Variants in FGD5 observed in about 807,000 individuals in gnomAD.
FGD5 encodes the protein FYVE, RhoGEF and PH domain-containing protein 5.
Under a neutral mutation model 133.4 loss-of-function variants are expected in FGD5, and 28 were observed. The observed-to-expected ratio is 0.21, with a 90% CI of 0.16 to 0.29. The LOEUF (loss-of-function observed/expected upper bound fraction) is 0.29, where lower values mean the gene tolerates loss of function less well. Ranked by LOEUF, FGD5 falls within the 10% of genes least tolerant of loss-of-function variation. The pLI is 1.00. For synonymous variants in FGD5, 810 were observed against 776.5 expected, an observed-to-expected ratio of 1.04 and a Z score of -0.72; for missense variants, 1,858 against 1,895.2, an observed-to-expected ratio of 0.98 and a Z score of 0.36.
Position 14,899,314 on chromosome 3 carries a change from C to T in FGD5, c.3154+488C>T, listed in dbSNP as rs114713080. 7.3e-3 allele frequency among the ~76,000 whole-genome samples: 1,117 copies of T among 152,274 alleles called. 9 individuals carry two copies. The highest frequency in any genetic ancestry group is 0.025 in the African/African-American group (1,057 of 41,548). On this transcript the variant is annotated intron_variant, in intron 7 of 19. Transcript: ENST00000285046. ...TCTGTGTTGGTGGCCTCCCATCCTC[C>T]ACTGCTCCATAAACGTCAGAGCTTC...
intron 1 of FGD5, among the ~76,000 whole-genome samples, chr3:14,838,039 A>G (rs1313643030): frequency 6.6e-6 from 1 of 152,194 alleles, no homozygotes; most frequent in Admixed American, 6.5e-5. Context: ...GGCCAAAGTC[A>G]GGGTGTGGGC....
chr3:14,822,113 A>G (rs1010845374), intron 1 of FGD5, among the ~76,000 whole-genome samples: 3 of 152,154 alleles, frequency 2.0e-5, no homozygotes, highest in Non-Finnish European at 4.4e-5. Flanking sequence ...AAATAAAAAA[A>G]AAAGAAAAGA....
At chr3:14,818,304 G>A (rs368485447), upstream of FGD5, among the ~76,000 whole-genome samples, 3 of 152,124 alleles carry the variant, frequency 2.0e-5, no homozygotes, top group Non-Finnish European at 4.4e-5. Context: ...GATTCCAGAC[G>A]TGACCCCCAG....
Position 14,821,564 on chromosome 3 carries a change from C to T in FGD5, c.2493C>T (p.Ser831=), listed in dbSNP as rs1383964041. The T allele has an allele frequency of 6.2e-7, 1 of 1,611,012 alleles. No individual in the cohort carries two copies. The highest frequency in any genetic ancestry group is 1.7e-5 in the Admixed American group (1 of 59,816). ...VDMSSFNAFE[S]KQQSADQDAE... is the part of the protein sequence containing the mutation. ...TGAGCAGCTTCAACGCCTTTGAGAG[C>T]AAACAGCAGAGTGCAGACCAGGACG... Residue 831 remains serine, a synonymous_variant, in exon 1 of 20, where the codon AGC becomes AGT. Transcript: ENST00000285046.
chr3:14,927,917 G>A (rs1029188773), intron 18 of FGD5, among the ~76,000 whole-genome samples: 10 of 149,590 alleles, frequency 6.7e-5, no homozygotes, highest in African/African-American at 2.2e-4. Flanking sequence ...AGTGTGTGAC[G>A]CCAGGCCTAG....
At chr3:14,858,911 G>C (rs1348965368) in intron 1 of FGD5, among the ~76,000 whole-genome samples, 1 of 152,200 alleles carries the variant, frequency 6.6e-6, no homozygotes, top group East Asian at 1.9e-4. Context: ...CAATACCAGG[G>C]TCGATGGGAG....
Position 14,917,098 on chromosome 3 carries a change from C to T in FGD5, c.3406-151C>T. The T allele has an allele frequency of 1.7e-6, 1 of 584,866 alleles. No individual in the cohort carries two copies. Among genetic ancestry groups the T allele is most frequent in the South Asian group, 2.5e-5 (1 of 39,676 alleles). The allele number at this position is 584,866 out of a possible 1,614,324, so 36.2% of individuals were successfully genotyped here. On this transcript the variant is annotated intron_variant, in intron 11 of 19. Coordinates refer to ENST00000285046, the MANE Select transcript of FGD5 (RefSeq NM_152536.4). The surrounding 1 kb of genome is among the most constrained non-coding windows in gnomAD (Gnocchi z 4.1). Reference sequence around the variant, plus strand: ...AGTAGAGTGGCAAGGAAGGGGCTCACATTTTGGCCGCAACGTTTTTGCTCA... The same window carrying T: ...AGTAGAGTGGCAAGGAAGGGGCTCATATTTTGGCCGCAACGTTTTTGCTCA...
In FGD5 at chr3:14,908,224, G is replaced by C. The variant is rs148316276; in HGVS notation, c.3336+513G>C. ...AAAGGAATGAAAGTACATGCTCAGG[G>C]GAATTTTACTCAAGATTAGCAGGTG... On this transcript the variant is annotated intron_variant, in intron 10 of 19. Coordinates refer to ENST00000285046, the MANE Select transcript of FGD5 (RefSeq NM_152536.4). Among the ~76,000 whole-genome samples the C allele has an allele frequency of 2.0e-3, 300 of 152,238 alleles. 2 individuals are homozygous for C. Among genetic ancestry groups the C allele is most frequent in the Middle Eastern group, 0.01 (3 of 294 alleles).
intron 17 of FGD5, among the ~76,000 whole-genome samples, chr3:14,924,967 T>A (rs1389402942): frequency 2.0e-5 from 3 of 151,604 alleles, no homozygotes; most frequent in Non-Finnish European, 2.9e-5. Flanking sequence ...GGGTGTGGTG[T>A]CATGCAGCTG....
chr3:14,842,176 C>A (rs565546993), intron 1 of FGD5, among the ~76,000 whole-genome samples: 1 of 152,344 alleles, frequency 6.6e-6, no homozygotes, highest in South Asian at 2.1e-4. Context: ...GGGAGCTTCT[C>A]CTTAAACCTC....
chr3:14,879,810 T>C (rs920036051), intron 2 of FGD5, among the ~76,000 whole-genome samples: 14 of 151,988 alleles, frequency 9.2e-5, no homozygotes, highest in African/African-American at 3.1e-4. Flanking sequence ...CTAAGTCTTA[T>C]AGGATGACTG....
intron 13 of FGD5, 33 bp from the exon 14 acceptor site, chr3:14,921,885 C>T (rs369179250): frequency 1.6e-4 from 244 of 1,542,834 alleles, no homozygotes; most frequent in Non-Finnish European, 2.1e-4. Flanking sequence ...CAGAGCTGCT[C>T]CTGCCTTTGC....
At chr3:14,865,401 T>C (rs2037475809) in intron 2 of FGD5, among the ~76,000 whole-genome samples, 1 of 152,170 alleles carries the variant, frequency 6.6e-6, no homozygotes, top group Admixed American at 6.5e-5. Context: ...CTTTTAAAAG[T>C]CCATTGATCT....
intron 1 of FGD5, among the ~76,000 whole-genome samples, chr3:14,856,547 A>G (rs2125098820): frequency 6.6e-6 from 1 of 151,974 alleles, no homozygotes; most frequent in South Asian, 2.1e-4. Flanking sequence ...GATTTTTTTC[A>G]TCAGTGTTTT....
intron 4 of FGD5, among the ~76,000 whole-genome samples, chr3:14,890,638 G>A (rs531475938): frequency 2.0e-5 from 3 of 152,298 alleles, no homozygotes; most frequent in South Asian, 4.1e-4. Context: ...TTTTAAGAAC[G>A]GATGTTTGTG....
intron 1 of FGD5, among the ~76,000 whole-genome samples, chr3:14,833,077 G>T (rs1000145695): frequency 2.0e-5 from 3 of 152,162 alleles, no homozygotes; most frequent in Admixed American, 6.5e-5. Flanking sequence ...CTCGTTTCCT[G>T]AGAATGCCCC....
rs372058680 is a variant in FGD5, at chr3:14,925,761, C to T, written c.4069-309C>T. On this transcript the variant is annotated intron_variant, in intron 17 of 19. Transcript: ENST00000285046. ...AATTTTAGAAGGAAGAACCTTTCGC[C>T]GAAGTACCTGAACGAAGTTTCTTGA... Among the ~76,000 whole-genome samples the T allele has an allele frequency of 2.4e-4, 37 of 152,256 alleles. 2 individuals are homozygous for T. Among genetic ancestry groups the T allele is most frequent in the South Asian group, 2.1e-3 (10 of 4,812 alleles).
At position 14,821,314 on chromosome 3, in the gene FGD5, G is replaced by A. The variant is rs761640697; in HGVS notation, c.2243G>A (p.Arg748His). Residue 748 changes from arginine to histidine, a missense_variant, in exon 1 of 20, where the codon CGC (arginine) becomes CAC (histidine). By Grantham distance (29) the Arg-to-His change is conservative (BLOSUM62 0). Transcript: ENST00000285046. ...TVSRVESFEDRSRPPFLPLPL... is the reference protein window; with the variant it reads ...TVSRVESFEDHSRPPFLPLPL... ...TCCAGAGTGGAGTCCTTTGAAGACC[G>A]CTCCCGGCCGCCCTTCCTGCCCTTG... is the stretch of plus-strand genomic sequence containing the variant. 1.1e-5 allele frequency: 17 copies of A among 1,613,926 alleles called. No homozygotes were observed. In the South Asian group the frequency reaches 1.2e-4, roughly 11 times the overall value.
chr3:14,868,747 C>T (rs1229555845), intron 2 of FGD5, among the ~76,000 whole-genome samples: 3 of 152,200 alleles, frequency 2.0e-5, no homozygotes, highest in African/African-American at 7.2e-5. Context: ...TGTATCTTCA[C>T]TCAGTTACTC....
Sources: gnomAD v4.1 joint callset for allele counts (sites outside exome capture counted in the v4.1 genomes callset) on GRCh38, gnomAD v4.1.1 for gene constraint, Gnocchi (gnomAD v3.1) non-coding constraint, MANE v1.5 for transcripts, NCBI Gene and HGNC (gene_info 2026-07-23, HGNC 2026-07-21) for gene names.